RYR2: variants seen among roughly 807,000 people sequenced by gnomAD.
The protein encoded by RYR2 is cardiac muscle ryanodine receptor-calcium release channel.
RYR2 carries 227 observed loss-of-function variants against 601.1 expected under a neutral mutation model. The observed-to-expected ratio is 0.38, with a 90% CI of 0.34 to 0.42. The LOEUF (loss-of-function observed/expected upper bound fraction) is 0.42, where lower values mean the gene tolerates loss of function less well. RYR2 is among the 10% of genes least tolerant of loss of function. The pLI is 1.00. For missense variants in RYR2, 4,646 were observed against 6,156.5 expected, an observed-to-expected ratio of 0.75 and a Z score of 8.21; for synonymous variants, 2,223 against 2,175.1, an observed-to-expected ratio of 1.02 and a Z score of -0.61.
At chr1:237,796,960 T>C (rs1659324853) in intron 96 of RYR2, among the ~76,000 whole-genome samples, 1 of 152,040 alleles carries the variant, frequency 6.6e-6, no homozygotes, top group African/African-American at 2.4e-5. Context: ...AATTTTTGTA[T>C]ATTTAGTAAA....
intron 66 of RYR2, among the ~76,000 whole-genome samples, chr1:237,704,310 G>A (rs1421940522): frequency 3.3e-5 from 5 of 151,758 alleles, no homozygotes; most frequent in Non-Finnish European, 5.9e-5. Flanking sequence ...ATTTCTCTTG[G>A]GTATTATGTA....
intron 10 of RYR2, among the ~76,000 whole-genome samples, chr1:237,402,292 A>T (rs1378423663): frequency 6.6e-6 from 1 of 151,614 alleles, no homozygotes; most frequent in South Asian, 2.1e-4. Flanking sequence ...TATAGCAAGT[A>T]TGGAGGAGAG....
intron 101 of RYR2, among the ~76,000 whole-genome samples, chr1:237,825,750 T>A (rs994287604): frequency 6.6e-5 from 10 of 151,988 alleles, no homozygotes; most frequent in Admixed American, 6.6e-4. Context: ...TGGGAGAAAA[T>A]TTTTTGCTGT....
intron 2 of RYR2, among the ~76,000 whole-genome samples, chr1:237,308,681 T>C (rs1284890613): frequency 6.6e-6 from 1 of 152,180 alleles, no homozygotes; most frequent in Non-Finnish European, 1.5e-5. Context: ...ACCTTAGCGG[T>C]GAGTGTTACA....
At chr1:237,649,788 T>C in intron 49 of RYR2, 89 bp from the exon 50 acceptor site, 1 of 1,042,448 alleles carries the variant, frequency 9.6e-7, no homozygotes, top group Non-Finnish European at 1.4e-6. Flanking sequence ...ATCTTCCGGA[T>C]AGTGAAATTG....
At position 237,788,082 on chromosome 1, in the gene RYR2, G is replaced by A. The variant is rs1275899087; in HGVS notation, c.13423G>A (p.Val4475Met). The change falls in exon 92 of 105, where the codon GTG becomes ATG. Residue 4475 changes from valine (V) to methionine (M), a missense_variant. This residue lies in a region of RYR2 where 364 missense variants were observed against 442.9 expected (regional missense o/e 0.82). Coordinates refer to ENST00000366574, the MANE Select transcript of RYR2 (RefSeq NM_001035.3). Reference sequence around the variant, plus strand: ...CACACACAGATACGGAGAACCAGAAGTGCCAGAGTCAGCATTCTGGAAGAA... The same window carrying A: ...CACACACAGATACGGAGAACCAGAAATGCCAGAGTCAGCATTCTGGAAGAA... ...LHTHRYGEPE[V>M]PESAFWKKII... The A allele has an allele frequency of 2.0e-5, 32 of 1,612,382 alleles. No homozygotes were observed. The highest frequency in any genetic ancestry group is 2.3e-5 in the Non-Finnish European group (27 of 1,179,100).
At chr1:237,636,442 A>G (rs570372027) in intron 44 of RYR2, among the ~76,000 whole-genome samples, 3 of 152,170 alleles carry the variant, frequency 2.0e-5, no homozygotes, top group Non-Finnish European at 4.4e-5. Flanking sequence ...ACACCTCAGG[A>G]CATGTTTCCC....
chr1:237,324,332 G>T (rs575779059), intron 2 of RYR2, among the ~76,000 whole-genome samples: 6 of 152,062 alleles, frequency 3.9e-5, no homozygotes, highest in Admixed American at 3.9e-4. Flanking sequence ...TTTATCTTTC[G>T]GAGGACATAG....
intron 8 of RYR2, among the ~76,000 whole-genome samples, chr1:237,385,849 C>T (rs74147253): frequency 0.017 from 2,534 of 152,268 alleles, 77 homozygotes; most frequent in African/African-American, 0.058. Context: ...AGGAACACAG[C>T]TGTGAACCTG....
chr1:237,714,685 A>C (rs980563231), intron 71 of RYR2, among the ~76,000 whole-genome samples: 5 of 152,070 alleles, frequency 3.3e-5, no homozygotes, highest in Non-Finnish European at 5.9e-5. Context: ...TGATTGATTG[A>C]TTGATTAAAG....
chr1:237,133,388 TATGA>T (rs1459530553), intron 1 of RYR2, among the ~76,000 whole-genome samples: 3 of 152,138 alleles, frequency 2.0e-5, no homozygotes, highest in Admixed American at 6.5e-5. Flanking sequence ...TCTTACTTGA[TATGA>T]ATAAGAGGGA....
In RYR2 at chr1:237,783,927, C is replaced by T. The variant is rs928224285; in HGVS notation, c.12215C>T (p.Thr4072Met). ...ETEFLLSCAE[T>M]DENETLDYEE... ...GAATTTCTTTTGTCTTGTGCGGAGA[C>T]GGATGAGAATGAAACCCTCGACTAC... Residue 4072 changes from threonine to methionine, a missense_variant, in exon 90 of 105, where the codon ACG (threonine) becomes ATG (methionine). Around this residue, in one of 17 missense-constraint regions of RYR2, gnomAD observed 66 missense variants for 80.7 expected, o/e 0.82. Transcript: ENST00000366574. The T allele has an allele frequency of 9.3e-6, 15 of 1,613,266 alleles. No individual in the cohort carries two copies. The Admixed American group carries it at 2.2e-4, about 23-fold the overall frequency.
rs757198624 is a variant in RYR2 at position 237,610,991 on chromosome 1, C to T, written c.4910+3C>T. ...CTTCATATCCCTGAGGAAAACAGGT[C>T]AGCCCCAGTGAATCCCTGACATTCT... On this transcript the variant is annotated splice_donor_region_variant and intron_variant, in intron 36 of 104. Transcript: ENST00000366574. The surrounding 1 kb of genome is among the most constrained non-coding windows in gnomAD (Gnocchi z 4.9). 3 of 1,608,546 alleles carry T rather than the reference C, an allele frequency of 1.9e-6. No individual in the cohort carries two copies. Among genetic ancestry groups the T allele is most frequent in the Admixed American group, 3.4e-5 (2 of 59,240 alleles).
chr1:237,715,511 T>C (rs1016896125), intron 71 of RYR2, among the ~76,000 whole-genome samples: 1 of 152,220 alleles, frequency 6.6e-6, no homozygotes. Flanking sequence ...TTACTCAAAA[T>C]TGAGCAATTT....
At chr1:237,455,182 A>C (rs1382640759) in intron 15 of RYR2, among the ~76,000 whole-genome samples, 7 of 152,184 alleles carry the variant, frequency 4.6e-5, no homozygotes, top group Admixed American at 3.9e-4. Context: ...TAAAAGAAGG[A>C]CCAAATGATA....
rs564332736 is a variant in RYR2, at chr1:237,106,967, T to C, written c.48+64398T>C. ...TGCCATTACATTTGGGGTTAAGATT[T>C]TAACATATGATTTTGGGGGGACTGA... On this transcript the variant is annotated intron_variant, in intron 1 of 104. Coordinates refer to ENST00000366574, the MANE Select transcript of RYR2 (RefSeq NM_001035.3). The surrounding 1 kb of genome is among the most constrained non-coding windows in gnomAD (Gnocchi z 4.4). 1.4e-4 allele frequency among the ~76,000 whole-genome samples: 22 copies of C among 152,276 alleles called. No individual in the cohort carries two copies. The highest frequency in any genetic ancestry group is 6.2e-4 in the South Asian group (3 of 4,830).
chr1:237,112,642 ATGCTTTTT>A lies in RYR2; in HGVS notation c.48+70078_48+70085del, dbSNP rs1278296626. ...CAAATTTCTAGGATTAAACGACTTG[ATGCTTTTT>A]TGCTCTGATCCAGGCCCACCTTTCC... On this transcript the variant is annotated intron_variant, in intron 1 of 104. Coordinates refer to ENST00000366574, the MANE Select transcript of RYR2 (RefSeq NM_001035.3). 2.7e-4 allele frequency among the ~76,000 whole-genome samples: 41 copies of A among 150,326 alleles called. 1 individual carries two copies. Among genetic ancestry groups the A allele is most frequent in the Admixed American group, 2.5e-3 (38 of 15,098 alleles).
intron 1 of RYR2, among the ~76,000 whole-genome samples, chr1:237,173,816 G>A (rs1484539480): frequency 6.6e-6 from 1 of 151,398 alleles, no homozygotes; most frequent in Non-Finnish European, 1.5e-5. Context: ...CAGCACTTTG[G>A]GAGGCCGAGG....
intron 67 of RYR2, 40 bp downstream of exon 67, chr1:237,705,383 T>G (rs538229079): frequency 6.5e-7 from 1 of 1,532,694 alleles, no homozygotes; most frequent in South Asian, 1.2e-5. Flanking sequence ...GATATGAAGC[T>G]AAAACTTGAT....
Sources: allele counts gnomAD v4.1 joint callset (sites outside exome capture counted in the v4.1 genomes callset), GRCh38; gene constraint gnomAD v4.1.1; regional missense constraint gnomAD v4.1.1; non-coding constraint Gnocchi (gnomAD v3.1); transcripts MANE v1.5; gene names NCBI Gene and HGNC (gene_info 2026-07-23, HGNC 2026-07-21).